Variants in ACP6 observed in about 807,000 individuals in gnomAD.
ACP6 encodes lysophosphatidic acid phosphatase type 6.
ACP6 carries 48 observed loss-of-function variants against 48.1 expected under a neutral mutation model. The observed-to-expected ratio is 1.00, with a 90% confidence interval of 0.79 to 1.27. ACP6 has a LOEUF of 1.27. ACP6 is among the 50% of genes most tolerant of loss of function. The probability of loss-of-function intolerance (pLI) is 0.00; values close to 1 mark genes in which losing one functional copy is unlikely to be tolerated. For missense variants in ACP6, 485 were observed against 529.1 expected (o/e 0.92, Z 0.82); for synonymous variants, 172 against 204.2 (o/e 0.84, Z 1.34).
At chr1:147,649,195 T>G (rs1423700274) in intron 8 of ACP6, among the ~76,000 whole-genome samples, 2 of 152,218 alleles carry the variant, frequency 1.3e-5, no homozygotes, top group East Asian at 3.9e-4. Context: ...AGTTTCTAGC[T>G]GTGATACCAC....
chr1:147,655,121 G>T (rs782535969), intron 5 of ACP6, 40 bp downstream of exon 5: 2 of 1,512,032 alleles, frequency 1.3e-6, no homozygotes, highest in Admixed American at 1.9e-5. Flanking sequence ...GTTGTAAAAG[G>T]TTGTCCCCAA....
chr1:147,645,193 A>C lies in ACP6; in HGVS notation c.*2230T>G, dbSNP rs183148722. On this transcript the variant is annotated 3_prime_UTR_variant, in exon 10 of 10. Transcript: ENST00000583509. Reference sequence around the variant, plus strand: ...GGATTACATCACATTGTACTCCATAAATATAATAATTTTATAAAATTATAA... The same window carrying C: ...GGATTACATCACATTGTACTCCATACATATAATAATTTTATAAAATTATAA... 7.1e-3 allele frequency: 1,079 copies of C among 151,294 alleles called. 13 individuals are homozygous for C. Among genetic ancestry groups the C allele is most frequent in the African/African-American group, 0.025 (1,029 of 41,434 alleles). 9.4% of individuals were successfully genotyped at this position (151,294 alleles called of 1,614,324 possible).
intron 4 of ACP6, among the ~76,000 whole-genome samples, chr1:147,656,410 C>T (rs1660261797): frequency 6.6e-6 from 1 of 152,176 alleles, no homozygotes; most frequent in Non-Finnish European, 1.5e-5. Context: ...AGTCCACTTG[C>T]ATGTCCCATC....
At position 147,652,451 on chromosome 1, in the gene ACP6, G is replaced by C; in HGVS notation, c.879C>G (p.Asp293Glu). The C allele has an allele frequency of 6.2e-7, 1 of 1,611,196 alleles. No individual in the cohort carries two copies. Among genetic ancestry groups the C allele is most frequent in the Non-Finnish European group, 8.5e-7 (1 of 1,178,590 alleles). ...TGCCAGCAGTGAGAGCCCCTCACCT[G>C]TCTTCCTTGGGCAGTATGTACAAGG... ...DTSLYILPKE[D>E]RESLQMAVGP... Residue 293 changes from aspartate to glutamate, a missense_variant and splice_region_variant, in exon 7 of 10, where the codon GAC becomes GAG. By Grantham distance (45) the Asp-to-Glu change is conservative. Transcript: ENST00000583509.
chr1:147,655,205 C>G lies in ACP6; in HGVS notation c.603G>C (p.Leu201Phe), dbSNP rs149218889. The G allele has an allele frequency of 1.2e-4, 195 of 1,609,430 alleles. No homozygotes were observed. In the African/African-American group the frequency reaches 2.2e-3, roughly 18 times the overall value. Residue 201 changes from leucine (L) to phenylalanine (F), a missense_variant, in exon 5 of 10, where the codon TTG becomes TTC. Coordinates refer to ENST00000583509, the MANE Select transcript of ACP6 (RefSeq NM_016361.5). The part of the protein sequence containing the change: ...IHTDEADSEV[L>F]YPNYQSCWSL... ...TCCAGCAGCTTTGGTAGTTGGGATACAAGACTTCTGAATCTGCTTCATCAG... is the reference window on the plus strand; with the variant it reads ...TCCAGCAGCTTTGGTAGTTGGGATAGAAGACTTCTGAATCTGCTTCATCAG...
At chr1:147,630,879 A>G (rs587690569) in exon 6 of ACP6, 4 of 152,356 alleles carry the variant, frequency 2.6e-5, no homozygotes, top group South Asian at 4.1e-4. Flanking sequence ...TTATACACAC[A>G]TATACACATA....
In ACP6 at chr1:147,650,212, G is replaced by C; in HGVS notation, c.908C>G (p.Pro303Arg). 6.2e-7 allele frequency: 1 copy of C among 1,603,668 alleles called. No homozygotes were observed. Among genetic ancestry groups the C allele is most frequent in the East Asian group, 2.3e-5 (1 of 44,026 alleles). The change falls in exon 8 of 10, where the codon CCA (proline) becomes CGA (arginine). Residue 303 changes from proline (P) to arginine (R), a missense_variant. Coordinates refer to ENST00000583509, the MANE Select transcript of ACP6 (RefSeq NM_016361.5). ...DRESLQMAVGPFLHILESNLL... is the reference protein window; with the variant it reads ...DRESLQMAVGRFLHILESNLL... ...GTTGCTCTCTAGGATGTGGAGGAAT[G>C]GGCCTACTGCCATCTGAAGACTTTC...
rs1384560032 is a variant in ACP6, at chr1:147,648,192, G to A, written c.1143+54C>T. 46 of 1,598,118 alleles carry A rather than the reference G, an allele frequency of 2.9e-5. No individual in the cohort carries two copies. In the East Asian group the frequency reaches 9.6e-4, roughly 33 times the overall value. On this transcript the variant is annotated intron_variant, in intron 9 of 9. Coordinates refer to ENST00000583509, the MANE Select transcript of ACP6 (RefSeq NM_016361.5). ...AGACTTGGTGCTAACTCAGGTAGGT[G>A]GGTTTTGCAGGAGGGTGCCTCACCA...
intron 9 of ACP6, chr1:147,647,888 C>T (rs371306851): frequency 7.7e-5 from 37 of 482,288 alleles, no homozygotes; most frequent in African/African-American, 1.2e-4. Flanking sequence ...GCCAACACCA[C>T]GGGTGCTAAC....
chr1:147,654,418 A>T, intron 5 of ACP6, 92 bp from the exon 6 acceptor site: 1 of 1,458,696 alleles, frequency 6.9e-7, no homozygotes. Flanking sequence ...TTGGGATATC[A>T]TTTAATCCCC....
intron 3 of ACP6, 87 bp downstream of exon 3, chr1:147,659,309 A>C (rs781884272): frequency 2.0e-4 from 307 of 1,533,082 alleles, no homozygotes; most frequent in Non-Finnish European, 2.6e-4. Context: ...CTTGGGTGAC[A>C]GTGGGAACCA....
chr1:147,652,987 C>T (rs1206418510), intron 6 of ACP6, among the ~76,000 whole-genome samples: 36 of 152,324 alleles, frequency 2.4e-4, no homozygotes, highest in African/African-American at 7.2e-4. Context: ...CCACCACGCC[C>T]GGCTAATTTT....
intron 8 of ACP6, among the ~76,000 whole-genome samples, chr1:147,649,634 G>C (rs970271091): frequency 2.0e-5 from 3 of 152,102 alleles, no homozygotes; most frequent in Non-Finnish European, 4.4e-5. Context: ...TAGTAGAGCA[G>C]GGTTTCACCA....
chr1:147,668,212 G>A (rs1472884272), intron 1 of ACP6, among the ~76,000 whole-genome samples: 1 of 152,274 alleles, frequency 6.6e-6, no homozygotes, highest in South Asian at 2.1e-4. Context: ...AGAAAGGAGA[G>A]GTAATATGCC....
intron 6 of ACP6, 191 bp from the exon 7 acceptor site, chr1:147,652,740 A>G: frequency 1.0e-6 from 1 of 963,528 alleles, no homozygotes; most frequent in Non-Finnish European, 1.5e-6. Context: ...ATTACTAGAT[A>G]CCTGAAGGCC....
chr1:147,654,128 C>A, intron 6 of ACP6, 66 bp downstream of exon 6: 2 of 1,582,262 alleles, frequency 1.3e-6, no homozygotes, highest in South Asian at 2.3e-5. Flanking sequence ...TTCTCTCCAC[C>A]CGGTTCTAAC....
intron 8 of ACP6, 112 bp from the exon 9 acceptor site, chr1:147,648,523 A>G: frequency 7.9e-7 from 1 of 1,267,170 alleles, no homozygotes; most frequent in Non-Finnish European, 1.1e-6. Flanking sequence ...GGTGACATCT[A>G]GAAATCAGCT....
intron 7 of ACP6, chr1:147,650,654 A>G (rs2148904619): frequency 6.3e-6 from 1 of 158,000 alleles, no homozygotes; most frequent in East Asian, 1.8e-4. Context: ...AACATCCTTA[A>G]TTTTGTTTCC....
At chr1:147,641,646 G>A (rs1659455860), downstream of ACP6, among the ~76,000 whole-genome samples, 3 of 152,224 alleles carry the variant, frequency 2.0e-5, no homozygotes, top group Admixed American at 2.0e-4. Context: ...GCAGGGACAG[G>A]TTAGGAATTT....
Sources: gnomAD v4.1 joint callset for allele counts (sites outside exome capture counted in the v4.1 genomes callset) on GRCh38, gnomAD v4.1.1 for gene constraint, MANE v1.5 for transcripts, NCBI Gene and HGNC (gene_info 2026-07-23, HGNC 2026-07-21) for gene names.